The following TBL3 variants were observed in gnomAD, a reference collection of about 807,000 sequenced individuals.
TBL3 encodes the protein transducin beta like 3, also known as transducin beta-like protein 3.
A neutral mutation model predicts 102.7 loss-of-function variants in TBL3; 71 were observed. The ratio of observed to expected loss-of-function variants is 0.69; its 90% CI spans 0.57 to 0.84. The LOEUF (loss-of-function observed/expected upper bound fraction) is 0.84, where lower values mean the gene tolerates loss of function less well. TBL3 is among the 40% of genes least tolerant of loss of function. TBL3 has a pLI of 0.00. For missense variants in TBL3, 1,188 were observed against 1,098.5 expected (o/e 1.08, Z -1.15); for synonymous variants, 578 against 477.7 (o/e 1.21, Z -2.74).
In TBL3 at chr16:1,976,037, C is replaced by T; in HGVS notation, c.1130-19C>T. 1 of 1,614,208 alleles carries T rather than the reference C, an allele frequency of 6.2e-7. No individual in the cohort carries two copies. Among genetic ancestry groups the T allele is most frequent in the Non-Finnish European group, 8.5e-7 (1 of 1,180,038 alleles). On this transcript the variant is annotated intron_variant, in intron 11 of 21. Transcript: ENST00000568546. Reference sequence around the variant, plus strand: ...CCCCCGTCTTGCTGTGTGACCTATACCTCCCCACAACATCTCAGATATCGT... The same window carrying T: ...CCCCCGTCTTGCTGTGTGACCTATATCTCCCCACAACATCTCAGATATCGT...
At position 1,980,566 on chromosome 16, in the gene TBL3, ACT is replaced by A; in HGVS notation, c.*1882_*1883del. On this transcript the variant is annotated 3_prime_UTR_variant, in exon 22 of 22. Transcript: ENST00000568546. ...GCATCTTAAGGCACCACAAAAACGT[ACT>A]GTGATACGCCGCTTTGGGCTTCACT... 1 of 1,598,650 alleles carries A rather than the reference ACT, an allele frequency of 6.3e-7. No individual in the cohort carries two copies. The highest frequency in any genetic ancestry group is 8.5e-7 in the Non-Finnish European group (1 of 1,172,070).
In TBL3 at chr16:1,975,172, C is replaced by T. The variant is rs1433784150; in HGVS notation, c.636-15C>T. The T allele has an allele frequency of 3.7e-6, 6 of 1,613,730 alleles. No homozygotes were observed. Among genetic ancestry groups the T allele is most frequent in the Non-Finnish European group, 4.2e-6 (5 of 1,180,010 alleles). On this transcript the variant is annotated splice_polypyrimidine_tract_variant and intron_variant, in intron 7 of 21. Coordinates refer to ENST00000568546, the MANE Select transcript of TBL3 (RefSeq NM_006453.3). ...GAGGCTAAGACTTGACCTGAGGTTG[C>T]CGTTGCTCCTTCAGCTCCGGCCGTG...
Position 1,982,708 on chromosome 16 carries a change from T to C in TBL3, c.*4023T>C. The stretch of plus-strand genomic sequence containing the variant: ...GCCGAGGCAGGGGGATTGCTTGAGC[T>C]CAGGAGTTCGAGACCAGTCTGGGCA... On this transcript the variant is annotated 3_prime_UTR_variant, in exon 22 of 22. Transcript: ENST00000568546. 6.6e-6 allele frequency: 1 copy of C among 152,344 alleles called. No homozygotes were observed. Among genetic ancestry groups the C allele is most frequent in the Non-Finnish European group, 1.5e-5 (1 of 68,084 alleles). 9.4% of individuals were successfully genotyped at this position (152,344 alleles called of 1,614,324 possible).
At position 1,976,227 on chromosome 16, in the gene TBL3, T is replaced by C. The variant is rs770701035; in HGVS notation, c.1205T>C (p.Ile402Thr). 31 of 1,614,064 alleles carry C rather than the reference T, an allele frequency of 1.9e-5. No individual in the cohort carries two copies. In the Admixed American group the frequency reaches 3.8e-4, roughly 20 times the overall value. Residue 402 changes from isoleucine (I) to threonine (T), a missense_variant, in exon 13 of 22, where the codon ATC (isoleucine) becomes ACC (threonine). Transcript: ENST00000568546. ...TGTCCCCAGGATCAGAGCGTCCGTA[T>C]CTGGAGAATGAACAAGGCTGGCCAG... ...ASCAKDQSVR[I>T]WRMNKAGQVM... is the part of the protein sequence containing the mutation.
In TBL3 at chr16:1,975,967, ACCTG is replaced by A. The variant is rs2083398048; in HGVS notation, c.1129+19_1129+22del. Reference sequence around the variant, plus strand: ...CCACACGGGTGAGTGGGGCCAGCCCACCTGACACCCTGGGAGCCGCCTCGGTCCC... The same window carrying A: ...CCACACGGGTGAGTGGGGCCAGCCCAACACCCTGGGAGCCGCCTCGGTCCC... On this transcript the variant is annotated intron_variant, in intron 11 of 21. Transcript: ENST00000568546. The A allele has an allele frequency of 6.2e-7, 1 of 1,613,884 alleles. No homozygotes were observed. The highest frequency in any genetic ancestry group is 1.3e-5 in the African/African-American group (1 of 74,912).
rs1292586025 is a variant in TBL3 at position 1,978,679 on chromosome 16, G to A, written c.2421G>A (p.Leu807=). 2 of 1,608,184 alleles carry A rather than the reference G, an allele frequency of 1.2e-6. No individual in the cohort carries two copies. The highest frequency in any genetic ancestry group is 1.1e-5 in the South Asian group (1 of 90,968). Residue 807 remains leucine (L), a synonymous_variant, in exon 22 of 22, where the codon CTG becomes CTA. Coordinates refer to ENST00000568546, the MANE Select transcript of TBL3 (RefSeq NM_006453.3). ...PTPWETHKGA[L]P The stretch of plus-strand genomic sequence containing the variant: ...CCTGGGAAACCCATAAAGGCGCACT[G>A]CCCTAGCCGGTCCGGCCTCTCTCCA...
chr16:1,979,706 C>T lies in TBL3; in HGVS notation c.*1021C>T, dbSNP rs1418451839. The stretch of plus-strand genomic sequence containing the variant: ...GGAGACCAAGCACGGGCTCCTGGCC[C>T]GCCCTGCCCGCGGTGCTTCTGGCCC... On this transcript the variant is annotated 3_prime_UTR_variant, in exon 22 of 22. Coordinates refer to ENST00000568546, the MANE Select transcript of TBL3 (RefSeq NM_006453.3). 4.8e-6 allele frequency: 6 copies of T among 1,259,996 alleles called. No individual in the cohort carries two copies. The highest frequency in any genetic ancestry group is 4.4e-5 in the South Asian group (3 of 67,598). The allele number at this position is 1,259,996 out of a possible 1,614,324, so 78.1% of individuals were successfully genotyped here. A position where few individuals can be genotyped will look rare whatever the true frequency, so the allele number is the denominator to read the frequency against.
rs368624768 is a variant in TBL3, at chr16:1,981,196, C to T, written c.*2511C>T. On this transcript the variant is annotated 3_prime_UTR_variant, in exon 22 of 22. Transcript: ENST00000568546. ...GCCTGCCATGGCTGTGGCTTCCAGG[C>T]TGCAGATTCCTGAAATGGGCGAGGA... The T allele has an allele frequency of 1.4e-5, 23 of 1,613,422 alleles. No individual in the cohort carries two copies. In the African/African-American group the frequency reaches 2.7e-4, roughly 19 times the overall value.
In TBL3 at chr16:1,980,970, C is replaced by T. The variant is rs117304081; in HGVS notation, c.*2285C>T. 6.0e-3 allele frequency: 9,688 copies of T among 1,613,092 alleles called. 37 individuals are homozygous for T. Among genetic ancestry groups the T allele is most frequent in the Middle Eastern group, 8.4e-3 (51 of 6,062 alleles). On this transcript the variant is annotated 3_prime_UTR_variant, in exon 22 of 22. Transcript: ENST00000568546. ...CTGCCTGAATTCGTCCCAACTCCTG[C>T]GCACGAAGGTGTCGCTGCCGTCTGA... is the stretch of plus-strand genomic sequence containing the variant.
rs191854758 is a variant in TBL3, at chr16:1,981,567, G to A, written c.*2882G>A. The A allele has an allele frequency of 1.8e-3, 462 of 263,308 alleles. 4 individuals are homozygous for A. Among genetic ancestry groups the A allele is most frequent in the African/African-American group, 9.3e-3 (423 of 45,286 alleles). 16.3% of individuals were successfully genotyped at this position (263,308 alleles called of 1,614,324 possible). A position where few individuals can be genotyped will look rare whatever the true frequency, so the allele number is the denominator to read the frequency against. On this transcript the variant is annotated 3_prime_UTR_variant, in exon 22 of 22. Coordinates refer to ENST00000568546, the MANE Select transcript of TBL3 (RefSeq NM_006453.3). ...AGGAGAAGGCAGGGCTAATCAAAGC[G>A]CCACCTGTCCTGCCCACCTCTCTGG...
In TBL3 at chr16:1,974,524, G is replaced by T; in HGVS notation, c.238-14G>T. 1 of 1,598,992 alleles carries T rather than the reference G, an allele frequency of 6.3e-7. No homozygotes were observed. ...GGTATTGCTGCCCCTCTGCTGACCT[G>T]TACCCTCCCCCAGGTGCTGGTGACA... is the stretch of plus-strand genomic sequence containing the variant. On this transcript the variant is annotated splice_polypyrimidine_tract_variant and intron_variant, in intron 4 of 21. Transcript: ENST00000568546.
chr16:1,976,735 C>T (rs1274516175), intron 13 of TBL3, 79 bp from the exon 14 acceptor site: 5 of 1,575,190 alleles, frequency 3.2e-6, no homozygotes, highest in Non-Finnish European at 4.3e-6. Flanking sequence ...CGTGGGCTCC[C>T]AGCCTGGCCC....
rs776365926 is a variant in TBL3, at chr16:1,974,656, C to T, written c.356C>T (p.Pro119Leu). 8 of 1,608,820 alleles carry T rather than the reference C, an allele frequency of 5.0e-6. No individual in the cohort carries two copies. Among genetic ancestry groups the T allele is most frequent in the East Asian group, 2.2e-5 (1 of 44,746 alleles). The change falls in exon 5 of 22, where the codon CCC becomes CTC. Residue 119 changes from proline to leucine, a missense_variant. Physicochemically the swap from Pro to Leu is moderately conservative, Grantham distance 98 (BLOSUM62 -3). Transcript: ENST00000568546. Reference sequence around the variant, plus strand: ...CCCGTGGCCACCATGGCCTTCGACCCCACCTCCACTCTGCTAGCCACAGGT... The same window carrying T: ...CCCGTGGCCACCATGGCCTTCGACCTCACCTCCACTCTGCTAGCCACAGGT... ...TAPVATMAFD[P>L]TSTLLATGGC...
In TBL3 at chr16:1,979,735, C is replaced by CTTGCCACACGGCT; in HGVS notation, c.*1061_*1062insCTTTGCCACACGG. 2 of 1,386,934 alleles carry CTTGCCACACGGCT rather than the reference C, an allele frequency of 1.4e-6. No homozygotes were observed. Among genetic ancestry groups the CTTGCCACACGGCT allele is most frequent in the Non-Finnish European group, 1.9e-6 (2 of 1,031,108 alleles). 85.9% of individuals were successfully genotyped at this position (1,386,934 alleles called of 1,614,324 possible). A position where few individuals can be genotyped will look rare whatever the true frequency, so the allele number is the denominator to read the frequency against. On this transcript the variant is annotated 3_prime_UTR_variant, in exon 22 of 22. Coordinates refer to ENST00000568546, the MANE Select transcript of TBL3 (RefSeq NM_006453.3). Reference sequence around the variant, plus strand: ...CTGCCCGCGGTGCTTCTGGCCCAGTCTTGCCACACGGTCAAGCCGCAGTGG... The same window carrying CTTGCCACACGGCT: ...CTGCCCGCGGTGCTTCTGGCCCAGTCTTGCCACACGGCTTTGCCACACGGTCAAGCCGCAGTGG...
chr16:1,978,088 G>A (rs758874109), intron 19 of TBL3, 27 bp downstream of exon 19: 1 of 1,607,254 alleles, frequency 6.2e-7, no homozygotes, highest in Non-Finnish European at 8.5e-7. Flanking sequence ...GGGGGCGAGG[G>A]GCTGGGTCTT....
chr16:1,977,606 A>C lies in TBL3; in HGVS notation c.1835A>C (p.His612Pro). The change falls in exon 17 of 22, where the codon CAC (histidine) becomes CCC (proline). Residue 612 changes from histidine to proline, a missense_variant. Physicochemically the swap from His to Pro is moderately conservative, Grantham distance 77. Transcript: ENST00000568546. ...DAHEDKVWGL[H>P]CSRLDDHALT... The stretch of plus-strand genomic sequence containing the variant: ...CACGAGGACAAGGTCTGGGGGCTGC[A>C]CTGCAGCCGGCTGGACGACCACGCC... The C allele has an allele frequency of 1.3e-6, 2 of 1,563,238 alleles. No homozygotes were observed. The highest frequency in any genetic ancestry group is 1.7e-6 in the Non-Finnish European group (2 of 1,153,018).
At chr16:1,977,872 G>C in intron 18 of TBL3, 72 bp downstream of exon 18, 2 of 1,593,354 alleles carry the variant, frequency 1.3e-6, no homozygotes, top group Non-Finnish European at 1.7e-6. Flanking sequence ...GAGGCTGAGT[G>C]CCAGGCTCCC....
chr16:1,973,610 G>A (rs2083376227), intron 1 of TBL3, among the ~76,000 whole-genome samples: 1 of 152,160 alleles, frequency 6.6e-6, no homozygotes. Context: ...CGGGCTCTGG[G>A]CAAGCCTGGG....
In TBL3 at chr16:1,977,558, A is replaced by T; in HGVS notation, c.1787A>T (p.Glu596Val). Reference protein sequence around the residue: ...LVKLWTIKNNECVRTLDAHED... With the variant: ...LVKLWTIKNNVCVRTLDAHED... ...AAGCTCTGGACCATCAAGAACAACG[A>T]GTGTGTGCGGACGCTGGATGCCCAC... Residue 596 changes from glutamate (E) to valine (V), a missense_variant, in exon 17 of 22, where the codon GAG (glutamate) becomes GTG (valine). Transcript: ENST00000568546. 1 of 1,595,774 alleles carries T rather than the reference A, an allele frequency of 6.3e-7. No homozygotes were observed. The highest frequency in any genetic ancestry group is 2.3e-5 in the East Asian group (1 of 43,926).
Sources: gnomAD v4.1 joint callset for allele counts (sites outside exome capture counted in the v4.1 genomes callset) on GRCh38, gnomAD v4.1.1 for gene constraint, MANE v1.5 for transcripts, NCBI Gene and HGNC (gene_info 2026-07-23, HGNC 2026-07-21) for gene names.